HVCN1: variants seen among roughly 807,000 people sequenced by gnomAD.
The protein encoded by HVCN1 is hydrogen voltage gated channel 1.
Under a neutral mutation model 29.2 loss-of-function variants are expected in HVCN1, and 14 were observed. That is an observed-to-expected ratio of 0.48 (90% confidence interval 0.32 to 0.75). HVCN1 has a LOEUF of 0.75. Ranked by LOEUF, HVCN1 falls within the 30% of genes least tolerant of loss-of-function variation. HVCN1 has a pLI of 0.04. For synonymous variants in HVCN1, 131 were observed against 133.2 expected (o/e 0.98, Z 0.11); for missense variants, 263 against 341.8 (o/e 0.77, Z 1.82).
chr12:110,674,012 A>G (rs1265545331), intron 3 of HVCN1, among the ~76,000 whole-genome samples: 1 of 152,208 alleles, frequency 6.6e-6, no homozygotes, highest in Admixed American at 6.5e-5. Flanking sequence ...AGCTTGCACC[A>G]TATACCTGGA....
At position 110,661,145 on chromosome 12, in the gene HVCN1, G is replaced by GA; in HGVS notation, c.306+18_306+19insT. 1 of 1,574,996 alleles carries GA rather than the reference G, an allele frequency of 6.3e-7. No individual in the cohort carries two copies. The highest frequency in any genetic ancestry group is 8.6e-7 in the Non-Finnish European group (1 of 1,157,910). ...CTCTCCTGCCAGCTCTGGGTATCCC[G>GA]GACTCCTGCCCCACCTACCTGAAAC... On this transcript the variant is annotated intron_variant, in intron 4 of 7. Coordinates refer to ENST00000242607, the MANE Select transcript of HVCN1 (RefSeq NM_032369.4). This position sits in a 1 kb window ranked among gnomAD's most constrained non-coding sequence, Gnocchi z 6.2.
upstream of HVCN1, among the ~76,000 whole-genome samples, chr12:110,692,089 C>A (rs987741507): frequency 1.3e-5 from 2 of 152,148 alleles, no homozygotes; most frequent in Admixed American, 1.3e-4. Context: ...CAGGATTTGA[C>A]CTGCAGTAGG....
chr12:110,704,541 C>G (rs1406117108), intron 1 of HVCN1, among the ~76,000 whole-genome samples: 5 of 151,858 alleles, frequency 3.3e-5, no homozygotes, highest in African/African-American at 1.2e-4. Context: ...GCCTGTGGTC[C>G]CAGCTACTTG....
chr12:110,692,186 C>A, upstream of HVCN1, among the ~76,000 whole-genome samples: 1 of 152,088 alleles, frequency 6.6e-6, no homozygotes, highest in East Asian at 1.9e-4. Flanking sequence ...TTCAACATTT[C>A]ACTGATGAGC....
intron 4 of HVCN1, among the ~76,000 whole-genome samples, chr12:110,655,645 G>A (rs963822442): frequency 3.3e-5 from 5 of 150,694 alleles, no homozygotes; most frequent in Admixed American, 2.0e-4. Flanking sequence ...TTTGGTCACT[G>A]TTTCCCAAAT....
chr12:110,681,434 T>C lies in HVCN1; in HGVS notation c.21+1791A>G, dbSNP rs1179203135. Among the ~76,000 whole-genome samples the C allele has an allele frequency of 2.0e-5, 3 of 152,334 alleles. No homozygotes were observed. In the East Asian group the frequency reaches 5.8e-4, roughly 29 times the overall value. ...TGGGTTGACCCAGTCCCCCGTGATATGTATGAGTGAGCTGGTTTCATCACA... is the reference window on the plus strand; with the variant it reads ...TGGGTTGACCCAGTCCCCCGTGATACGTATGAGTGAGCTGGTTTCATCACA... On this transcript the variant is annotated intron_variant, in intron 3 of 7. Transcript: ENST00000242607.
chr12:110,652,260 G>A (rs574867459), intron 5 of HVCN1, among the ~76,000 whole-genome samples: 1 of 152,340 alleles, frequency 6.6e-6, no homozygotes, highest in South Asian at 2.1e-4. Context: ...AGGCATGGTG[G>A]TGCATGCCTG....
intron 6 of HVCN1, among the ~76,000 whole-genome samples, chr12:110,650,692 C>T (rs1399531049): frequency 1.4e-5 from 2 of 139,130 alleles, no homozygotes; most frequent in Non-Finnish European, 3.0e-5. Flanking sequence ...TGACAAGAGT[C>T]CAGTTTTTTT....
chr12:110,651,223 T>C lies in HVCN1; in HGVS notation c.637A>G (p.Ile213Val). The part of the protein sequence containing the change: ...LLRLWRVARI[I>V]NGIIISVKTR... ...GGGAGTGCAGGAGACGTACCATTGATGATCCGGGCCACCCGCCACAGCCGG... is the reference window on the plus strand; with the variant it reads ...GGGAGTGCAGGAGACGTACCATTGACGATCCGGGCCACCCGCCACAGCCGG... The change falls in exon 6 of 8, where the codon ATC becomes GTC. Residue 213 changes from isoleucine (I) to valine (V), a missense_variant. Physicochemically the swap from Ile to Val is conservative, Grantham distance 29. Coordinates refer to ENST00000242607, the MANE Select transcript of HVCN1 (RefSeq NM_032369.4). 6.2e-7 allele frequency: 1 copy of C among 1,612,364 alleles called. No individual in the cohort carries two copies. The highest frequency in any genetic ancestry group is 1.1e-5 in the South Asian group (1 of 91,036).
chr12:110,653,110 C>G lies in HVCN1; in HGVS notation c.412-1662G>C, dbSNP rs144213336. ...GGGACATTCTACTGGCTGGGCTCTT[C>G]CAAGAGTCATTGTCATGAAGGAAAA... On this transcript the variant is annotated intron_variant, in intron 5 of 7. Transcript: ENST00000242607. Among the ~76,000 whole-genome samples the G allele has an allele frequency of 6.9e-3, 1,043 of 152,234 alleles. 1 individual carries two copies. The highest frequency in any genetic ancestry group is 9.4e-3 in the Non-Finnish European group (639 of 68,016).
chr12:110,662,216 C>T (rs908509153), intron 3 of HVCN1, among the ~76,000 whole-genome samples: 4 of 151,136 alleles, frequency 2.6e-5, no homozygotes, highest in South Asian at 4.2e-4. Context: ...GAGGCTGGGA[C>T]ACCTGGCTTT....
intron 2 of HVCN1, among the ~76,000 whole-genome samples, chr12:110,685,579 G>A (rs553654179): frequency 6.6e-6 from 1 of 152,144 alleles, no homozygotes; most frequent in African/African-American, 2.4e-5. Context: ...TGAGTCCCCT[G>A]TAGGAATGTG....
chr12:110,683,679 G>A (rs2069071704), intron 2 of HVCN1, among the ~76,000 whole-genome samples: 1 of 152,144 alleles, frequency 6.6e-6, no homozygotes, highest in Non-Finnish European at 1.5e-5. Flanking sequence ...GGGAGGCCAA[G>A]GTGGGTGGAT....
chr12:110,698,560 G>A (rs1001856835), intron 2 of HVCN1, among the ~76,000 whole-genome samples: 2 of 152,176 alleles, frequency 1.3e-5, no homozygotes, highest in African/African-American at 4.8e-5. Context: ...CTCCACCACC[G>A]GAGTCTACAT....
At chr12:110,704,177 TA>T (rs1296636649) in intron 1 of HVCN1, among the ~76,000 whole-genome samples, 1 of 152,058 alleles carries the variant, frequency 6.6e-6, no homozygotes, top group African/African-American at 2.4e-5. Flanking sequence ...GCAAACAACC[TA>T]AAAGTCCGTC....
At chr12:110,680,706 C>A (rs573708984) in intron 3 of HVCN1, among the ~76,000 whole-genome samples, 1 of 152,174 alleles carries the variant, frequency 6.6e-6, no homozygotes, top group Admixed American at 6.5e-5. Context: ...CACTTGAGGC[C>A]AGGAGTTCGA....
At chr12:110,675,867 C>G (rs1051658472) in intron 3 of HVCN1, among the ~76,000 whole-genome samples, 1 of 152,138 alleles carries the variant, frequency 6.6e-6, no homozygotes, top group Non-Finnish European at 1.5e-5. Flanking sequence ...CGAGATAATG[C>G]CATTGCACTC....
At chr12:110,656,867 G>GC (rs2068008013) in intron 4 of HVCN1, among the ~76,000 whole-genome samples, 1 of 152,178 alleles carries the variant, frequency 6.6e-6, no homozygotes, top group Admixed American at 6.5e-5. Flanking sequence ...AAAGGTGCAA[G>GC]CCTCTAGTAG....
At chr12:110,672,748 T>C (rs1324737731) in intron 3 of HVCN1, among the ~76,000 whole-genome samples, 1 of 152,160 alleles carries the variant, frequency 6.6e-6, no homozygotes, top group African/African-American at 2.4e-5. Flanking sequence ...CATGTGATTC[T>C]CATGATAGTG....
Sources: gnomAD v4.1 joint callset for allele counts (sites outside exome capture counted in the v4.1 genomes callset) on GRCh38, gnomAD v4.1.1 for gene constraint, Gnocchi (gnomAD v3.1) non-coding constraint, MANE v1.5 for transcripts, NCBI Gene and HGNC (gene_info 2026-07-23, HGNC 2026-07-21) for gene names.